The following CCSER1 variants were observed in gnomAD, a reference collection of about 807,000 sequenced individuals.
CCSER1 encodes the protein coiled-coil serine rich protein 1, also known as serine-rich coiled-coil domain-containing protein 1.
Under a neutral mutation model 82.0 loss-of-function variants are expected in CCSER1, and 41 were observed. The observed-to-expected ratio is 0.50, with a 90% CI of 0.39 to 0.65. CCSER1 has a LOEUF of 0.65. Among genes scored for constraint, CCSER1 ranks in the 30% least tolerant of loss-of-function variants. The probability of loss-of-function intolerance (pLI) is 0.00; values close to 1 mark genes in which losing one functional copy is unlikely to be tolerated. For synonymous variants in CCSER1, 414 were observed against 383.9 expected (o/e 1.08, Z -0.92); for missense variants, 1,119 against 1,064.2 (o/e 1.05, Z -0.72).
chr4:91,409,009 A>G (rs2149369160), intron 10 of CCSER1, among the ~76,000 whole-genome samples: 1 of 152,268 alleles, frequency 6.6e-6, no homozygotes, highest in Non-Finnish European at 1.5e-5. Context: ...TGTGGGGGAA[A>G]ACAATTTCCA....
At chr4:91,387,176 A>C (rs761904235) in intron 10 of CCSER1, among the ~76,000 whole-genome samples, 2 of 152,022 alleles carry the variant, frequency 1.3e-5, no homozygotes, top group Middle Eastern at 3.2e-3. Context: ...ATATATACCA[A>C]AATATTTATT....
intron 8 of CCSER1, among the ~76,000 whole-genome samples, chr4:90,876,196 A>G (rs1413463280): frequency 6.6e-6 from 1 of 152,086 alleles, no homozygotes; most frequent in African/African-American, 2.4e-5. Context: ...CTTTTCACTC[A>G]TCCCATTCTT....
intron 5 of CCSER1, among the ~76,000 whole-genome samples, chr4:90,480,133 A>G (rs1765712199): frequency 6.6e-6 from 1 of 152,126 alleles, no homozygotes; most frequent in Non-Finnish European, 1.5e-5. Context: ...GCCAGTGATG[A>G]TGAGCATTTT....
At chr4:90,151,196 G>T (rs1201934237) in intron 1 of CCSER1, among the ~76,000 whole-genome samples, 2 of 152,066 alleles carry the variant, frequency 1.3e-5, no homozygotes, top group East Asian at 1.9e-4. Context: ...TATACAAAAT[G>T]AAATGATAGT....
chr4:90,368,177 AGTTTATAAATACCTGGTT>A (rs1746607112), intron 3 of CCSER1, among the ~76,000 whole-genome samples: 2 of 151,954 alleles, frequency 1.3e-5, no homozygotes, highest in Non-Finnish European at 2.9e-5. Context: ...GTGATCTGAG[AGTTTATAAATACCTGGTT>A]GTCATTCAAA....
At chr4:90,599,607 C>A (rs1283469372) in intron 5 of CCSER1, among the ~76,000 whole-genome samples, 1 of 152,136 alleles carries the variant, frequency 6.6e-6, no homozygotes, top group African/African-American at 2.4e-5. Context: ...CCCTTGTGAT[C>A]CAGACTTGGG....
chr4:91,082,868 C>T (rs553883746), intron 9 of CCSER1, among the ~76,000 whole-genome samples: 1 of 152,304 alleles, frequency 6.6e-6, no homozygotes, highest in East Asian at 1.9e-4. Flanking sequence ...GAGATACCAT[C>T]TCACACCAGT....
chr4:90,771,058 G>A (rs1752077524), intron 7 of CCSER1, among the ~76,000 whole-genome samples: 2 of 152,036 alleles, frequency 1.3e-5, no homozygotes, highest in Admixed American at 1.3e-4. Context: ...ATATCTGTTT[G>A]CATGGGATTG....
chr4:90,446,461 G>A (rs1294547354), intron 4 of CCSER1, among the ~76,000 whole-genome samples: 1 of 151,952 alleles, frequency 6.6e-6, no homozygotes, highest in Non-Finnish European at 1.5e-5. Flanking sequence ...AGCTAACATT[G>A]TTTTTTCAAC....
At chr4:90,772,366 G>A (rs1424211092) in intron 7 of CCSER1, among the ~76,000 whole-genome samples, 1 of 152,054 alleles carries the variant, frequency 6.6e-6, no homozygotes, top group Non-Finnish European at 1.5e-5. Context: ...ACCAGTTTTT[G>A]AGAGGTGATG....
intron 10 of CCSER1, among the ~76,000 whole-genome samples, chr4:91,402,968 CT>C (rs1402449405): frequency 6.6e-6 from 1 of 152,152 alleles, no homozygotes; most frequent in Admixed American, 6.5e-5. Context: ...GGCATTGAAT[CT>C]ATAAATTACC....
chr4:90,686,752 GA>G (rs35806901), intron 6 of CCSER1, among the ~76,000 whole-genome samples: 1 of 151,818 alleles, frequency 6.6e-6, no homozygotes, highest in African/African-American at 2.4e-5. Context: ...AACCACACAC[GA>G]AAAAGGGTAA....
intron 10 of CCSER1, among the ~76,000 whole-genome samples, chr4:91,517,344 C>A (rs932655014): frequency 3.3e-5 from 5 of 152,102 alleles, no homozygotes; most frequent in Admixed American, 6.6e-5. Context: ...TAAAAGATAA[C>A]TCTTTATTTT....
At chr4:91,322,166 T>C (rs921007598) in intron 10 of CCSER1, among the ~76,000 whole-genome samples, 2 of 152,120 alleles carry the variant, frequency 1.3e-5, no homozygotes, top group African/African-American at 2.4e-5. Flanking sequence ...CACTGAATTA[T>C]ATTGATATGA....
chr4:90,288,608 G>A (rs1234639308), intron 1 of CCSER1, among the ~76,000 whole-genome samples: 1 of 151,892 alleles, frequency 6.6e-6, no homozygotes, highest in African/African-American at 2.4e-5. Context: ...AATTCACTTA[G>A]TATTTTGTGC....
At chr4:91,139,460 T>G (rs1217774377) in intron 10 of CCSER1, among the ~76,000 whole-genome samples, 1 of 152,190 alleles carries the variant, frequency 6.6e-6, no homozygotes, top group Non-Finnish European at 1.5e-5. Context: ...TTATTATTTC[T>G]AAGTGCGCTG....
intron 3 of CCSER1, among the ~76,000 whole-genome samples, chr4:90,364,661 T>C (rs1745953331): frequency 6.6e-6 from 1 of 151,974 alleles, no homozygotes; most frequent in South Asian, 2.1e-4. Context: ...TACTCAGCCC[T>C]AATTCACAAG....
In CCSER1 at chr4:91,196,044, G is replaced by A. The variant is rs1363541347; in HGVS notation, c.2217+110050G>A. Among the ~76,000 whole-genome samples, 5 of 152,248 alleles carry A rather than the reference G, an allele frequency of 3.3e-5. No homozygotes were observed. In the East Asian group the frequency reaches 5.8e-4, roughly 18 times the overall value. ...TCTACTAAAAATAAAAAAATTAGTC[G>A]GGTTCGGTGGCGGGCGCCTGTAGTC... On this transcript the variant is annotated intron_variant, in intron 10 of 10. Coordinates refer to ENST00000509176, the MANE Select transcript of CCSER1 (RefSeq NM_001145065.2).
intron 4 of CCSER1, among the ~76,000 whole-genome samples, chr4:90,438,519 T>C (rs72883401): frequency 0.056 from 8,479 of 152,144 alleles, 710 homozygotes; most frequent in African/African-American, 0.18. Flanking sequence ...AAAACCTGAT[T>C]AGTACTATAG....
Sources: allele counts gnomAD v4.1 joint callset (sites outside exome capture counted in the v4.1 genomes callset), GRCh38; gene constraint gnomAD v4.1.1; transcripts MANE v1.5; gene names NCBI Gene and HGNC (gene_info 2026-07-23, HGNC 2026-07-21).